Variants in HS6ST3 observed in about 807,000 individuals in gnomAD.
The protein encoded by HS6ST3 is heparan-sulfate 6-O-sulfotransferase 3.
In HS6ST3, 12 loss-of-function variants were observed where a neutral mutation model predicts 36.7. The ratio of observed to expected loss-of-function variants is 0.33; its 90% CI spans 0.21 to 0.53. The LOEUF (loss-of-function observed/expected upper bound fraction) is 0.53, where lower values mean the gene tolerates loss of function less well. HS6ST3 is among the 20% of genes least tolerant of loss of function. The pLI is 0.95. For synonymous variants in HS6ST3, 240 were observed against 257.5 expected (o/e 0.93, Z 0.65); for missense variants, 584 against 640.9 (o/e 0.91, Z 0.96).
At chr13:96,529,381 G>A (rs1341368828) in intron 1 of HS6ST3, among the ~76,000 whole-genome samples, 1 of 152,124 alleles carries the variant, frequency 6.6e-6, no homozygotes. Flanking sequence ...GGGTAGTCAT[G>A]TTAGATGCAG....
intron 1 of HS6ST3, among the ~76,000 whole-genome samples, chr13:96,330,993 C>T (rs1398041113): frequency 1.3e-5 from 2 of 152,088 alleles, no homozygotes; most frequent in African/African-American, 2.4e-5. Context: ...GAGGCTTCTG[C>T]ATTCTTCACG....
intron 1 of HS6ST3, among the ~76,000 whole-genome samples, chr13:96,675,470 G>C (rs1286830804): frequency 6.6e-6 from 1 of 151,990 alleles, no homozygotes; most frequent in Non-Finnish European, 1.5e-5. Context: ...GTTTCATTCA[G>C]AAGAAAGAGC....
intron 1 of HS6ST3, among the ~76,000 whole-genome samples, chr13:96,568,621 T>C (rs1334363265): frequency 6.6e-6 from 1 of 152,246 alleles, no homozygotes; most frequent in African/African-American, 2.4e-5. Context: ...ACATATTTCA[T>C]GTTCAGACCA....
intron 1 of HS6ST3, among the ~76,000 whole-genome samples, chr13:96,161,335 G>A (rs2054134835): frequency 6.6e-6 from 1 of 152,174 alleles, no homozygotes; most frequent in African/African-American, 2.4e-5. Flanking sequence ...ATCTTATCTG[G>A]ATCTTGACAA....
intron 1 of HS6ST3, among the ~76,000 whole-genome samples, chr13:96,658,539 TC>T (rs2056635149): frequency 6.6e-6 from 1 of 151,062 alleles, no homozygotes; most frequent in Non-Finnish European, 1.5e-5. Context: ...TGCCTTGGCC[TC>T]CCAAAGTGCT....
intron 1 of HS6ST3, among the ~76,000 whole-genome samples, chr13:96,626,765 A>C (rs2138998328): frequency 6.6e-6 from 1 of 152,256 alleles, no homozygotes; most frequent in East Asian, 1.9e-4. Flanking sequence ...TATTTAAAAA[A>C]GTGTTGCATA....
chr13:96,492,795 C>G (rs1453033000), intron 1 of HS6ST3, among the ~76,000 whole-genome samples: 2 of 152,140 alleles, frequency 1.3e-5, no homozygotes, highest in Admixed American at 6.5e-5. Context: ...TCCTTGAAAC[C>G]TGAGAGCTTG....
At chr13:96,165,443 C>T (rs1410845703) in intron 1 of HS6ST3, among the ~76,000 whole-genome samples, 1 of 152,184 alleles carries the variant, frequency 6.6e-6, no homozygotes, top group Non-Finnish European at 1.5e-5. Context: ...CTGGTGTGTT[C>T]TAGACCTTCT....
intron 1 of HS6ST3, among the ~76,000 whole-genome samples, chr13:96,722,111 C>G (rs543925510): frequency 5.3e-5 from 8 of 152,170 alleles, no homozygotes; most frequent in East Asian, 1.9e-4. Flanking sequence ...ACTAAAAATA[C>G]AAAAACTAGC....
chr13:96,765,415 T>C (rs1271718282), intron 1 of HS6ST3, among the ~76,000 whole-genome samples: 4 of 152,220 alleles, frequency 2.6e-5, no homozygotes, highest in Non-Finnish European at 5.9e-5. Flanking sequence ...ACATTGTCTG[T>C]GTCACCTTTA....
intron 1 of HS6ST3, among the ~76,000 whole-genome samples, chr13:96,113,868 G>C (rs965272628): frequency 2.0e-5 from 3 of 152,198 alleles, no homozygotes; most frequent in Non-Finnish European, 4.4e-5. Context: ...AGTTGGAAAA[G>C]TGGAACAACT....
chr13:96,354,355 C>T (rs2055199333), intron 1 of HS6ST3, among the ~76,000 whole-genome samples: 2 of 151,992 alleles, frequency 1.3e-5, no homozygotes. Flanking sequence ...GAAATTTCTG[C>T]AAGGAAACTC....
rs1005612244 is a variant in HS6ST3 at position 96,327,696 on chromosome 13, G to GT, written c.707+236133dup. On this transcript the variant is annotated intron_variant, in intron 1 of 1. Coordinates refer to ENST00000376705, the MANE Select transcript of HS6ST3 (RefSeq NM_153456.4). The stretch of plus-strand genomic sequence containing the variant: ...TTGGTTCCATATGAACTTTAAAGTA[G>GT]TTTTTTCCAATTCTGTGAAGAAAGT... Among the ~76,000 whole-genome samples the GT allele has an allele frequency of 4.6e-4, 70 of 152,012 alleles. 1 individual carries two copies. The highest frequency in any genetic ancestry group is 1.7e-3 in the African/African-American group (70 of 41,468).
Position 96,112,578 on chromosome 13 carries a change from AATATATATATATATATATATATAT to A in HS6ST3, c.707+21030_707+21053del, listed in dbSNP as rs59107741. Reference sequence around the variant, plus strand: ...TAAAACCCCATCTCTAAAATAAATAAATATATATATATATATATATATATATATATATATATATATATATGCCCG... The same window carrying A: ...TAAAACCCCATCTCTAAAATAAATAAATATATATATATATATATATGCCCG... On this transcript the variant is annotated intron_variant, in intron 1 of 1. Transcript: ENST00000376705. Among the ~76,000 whole-genome samples, 72 of 81,246 alleles carry A rather than the reference AATATATATATATATATATATATAT, an allele frequency of 8.9e-4. 4 individuals carry two copies. The South Asian group carries it at 0.015, about 17-fold the overall frequency. 53.3% of individuals were successfully genotyped at this position (81,246 alleles called of 152,430 possible). A position where few individuals can be genotyped will look rare whatever the true frequency, so the allele number is the denominator to read the frequency against.
At chr13:96,230,296 A>T (rs1395054813) in intron 1 of HS6ST3, among the ~76,000 whole-genome samples, 1 of 152,152 alleles carries the variant, frequency 6.6e-6, no homozygotes, top group Non-Finnish European at 1.5e-5. Context: ...AAATGATGAA[A>T]AGTTAGAAAG....
Position 96,168,676 on chromosome 13 carries a change from G to T in HS6ST3, c.707+77107G>T, listed in dbSNP as rs572712228. On this transcript the variant is annotated intron_variant, in intron 1 of 1. Coordinates refer to ENST00000376705, the MANE Select transcript of HS6ST3 (RefSeq NM_153456.4). ...GGATCATGCTACTGCCCTCCAGCCT[G>T]GTGACAGAGTGAGACCAAAAAAAAA... Among the ~76,000 whole-genome samples, 37 of 143,052 alleles carry T rather than the reference G, an allele frequency of 2.6e-4. No individual in the cohort carries two copies. In the South Asian group the frequency reaches 8.2e-3, roughly 32 times the overall value. The allele number at this position is 143,052 out of a possible 152,430, so 93.8% of individuals were successfully genotyped here.
chr13:96,201,099 C>T (rs570689182), intron 1 of HS6ST3, among the ~76,000 whole-genome samples: 3 of 152,152 alleles, frequency 2.0e-5, no homozygotes, highest in Non-Finnish European at 4.4e-5. Flanking sequence ...GTGTGCATCC[C>T]GCAGACAGCT....
chr13:96,732,528 A>G (rs1255769622), intron 1 of HS6ST3, among the ~76,000 whole-genome samples: 1 of 151,848 alleles, frequency 6.6e-6, no homozygotes, highest in African/African-American at 2.4e-5. Context: ...TAATGACAGT[A>G]CCACCCTGTT....
chr13:96,396,159 C>G (rs1365319649), intron 1 of HS6ST3, among the ~76,000 whole-genome samples: 2 of 151,914 alleles, frequency 1.3e-5, no homozygotes, highest in Non-Finnish European at 2.9e-5. Context: ...ACTAAAAATT[C>G]GAAAATTAGC....
Sources: gnomAD v4.1 joint callset for allele counts (sites outside exome capture counted in the v4.1 genomes callset) on GRCh38, gnomAD v4.1.1 for gene constraint, MANE v1.5 for transcripts, NCBI Gene and HGNC (gene_info 2026-07-23, HGNC 2026-07-21) for gene names.